The following TYW2 variants were observed in gnomAD, a reference collection of about 807,000 sequenced individuals.
The protein encoded by TYW2 is tRNA wybutosine-synthesizing protein 2 homolog.
the TYW2 span, chr8:124,451,864 A>G: frequency 6.2e-7 from 1 of 1,614,212 alleles, no homozygotes; most frequent in South Asian, 1.1e-5. Flanking sequence ...GCTGATTCCC[A>G]GCTCTGAAGA....
At chr8:124,451,946 A>G in the TYW2 span, 2 of 1,614,218 alleles carry the variant, frequency 1.2e-6, no homozygotes, top group South Asian at 2.2e-5. Context: ...CAAAATGTGG[A>G]ATCTTTCCCA....
chr8:124,451,230 T>C, the TYW2 span: 17 of 1,614,132 alleles, frequency 1.1e-5, no homozygotes, highest in Non-Finnish European at 1.3e-5. Flanking sequence ...CCCAGGGTTG[T>C]TCACCTGCCC....
chr8:124,451,318 C>T, the TYW2 span: 8 of 1,614,026 alleles, frequency 5.0e-6, no homozygotes, highest in Non-Finnish European at 6.8e-6. Flanking sequence ...GGCTGATTTG[C>T]CCCGATCATG....
chr8:124,452,136 C>T, the TYW2 span: 24 of 1,614,112 alleles, frequency 1.5e-5, no homozygotes, highest in Non-Finnish European at 1.9e-5. Flanking sequence ...AAACTCGAAT[C>T]GCCACTCTTC....
At chr8:124,451,141 C>G in the TYW2 span, 1 of 1,614,170 alleles carries the variant, frequency 6.2e-7, no homozygotes, top group Non-Finnish European at 8.5e-7. Context: ...GCAGCACCTG[C>G]AGGAGCTGAG....
At chr8:124,451,034 A>G in the TYW2 span, 1 of 1,614,190 alleles carries the variant, frequency 6.2e-7, no homozygotes, top group Non-Finnish European at 8.5e-7. Flanking sequence ...TACAGAGAAT[A>G]TCTCCAGAGG....
At chr8:124,451,170 C>A in the TYW2 span, 1 of 1,614,166 alleles carries the variant, frequency 6.2e-7, no homozygotes, top group Non-Finnish European at 8.5e-7. Context: ...TTGCCCCAGG[C>A]AGTCCCTGTA....
At chr8:124,451,184 T>C in the TYW2 span, 2 of 1,614,090 alleles carry the variant, frequency 1.2e-6, no homozygotes, top group South Asian at 1.1e-5. Flanking sequence ...CCCTGTATGC[T>C]CACGCAGCTC....
the TYW2 span, chr8:124,452,902 ATGAC>A: frequency 1.8e-5 from 3 of 167,122 alleles, no homozygotes; most frequent in Non-Finnish European, 4.4e-5. Context: ...CTTTGTTATT[ATGAC>A]TGACTAAATT....
the TYW2 span, chr8:124,451,509 T>G: frequency 1.2e-6 from 2 of 1,614,168 alleles, no homozygotes; most frequent in South Asian, 2.2e-5. Context: ...TGCTGCTGGG[T>G]GACCATGGCT....
chr8:124,451,105 C>T, the TYW2 span: 2 of 1,614,140 alleles, frequency 1.2e-6, no homozygotes, highest in African/African-American at 1.3e-5. Flanking sequence ...GGTGGCGCTA[C>T]CGGTGCTGGG....
the TYW2 span, chr8:124,450,848 C>T: frequency 1.3e-6 from 2 of 1,505,580 alleles, no homozygotes; most frequent in East Asian, 4.5e-5. Context: ...GCCGGGTGAG[C>T]TGCAGGCTAC....
At chr8:124,451,618 T>C in the TYW2 span, 1 of 1,614,204 alleles carries the variant, frequency 6.2e-7, no homozygotes, top group South Asian at 1.1e-5. Flanking sequence ...AGTGGCATCG[T>C]TGTCCTGTGC....
the TYW2 span, chr8:124,451,600 A>T: frequency 1.2e-6 from 2 of 1,614,170 alleles, no homozygotes; most frequent in Non-Finnish European, 1.7e-6. Flanking sequence ...CATCACTGAG[A>T]AGCTTCGAGT....
the TYW2 span, chr8:124,451,655 C>T: frequency 6.2e-7 from 1 of 1,614,086 alleles, no homozygotes; most frequent in African/African-American, 1.3e-5. Flanking sequence ...GATCTCTATG[C>T]AGGGATTGGT....
At chr8:124,452,445 A>G in the TYW2 span, 1 of 643,718 alleles carries the variant, frequency 1.6e-6, no homozygotes, top group South Asian at 2.6e-5. Context: ...TCTTTCATTG[A>G]TAACAGAAAA....
the TYW2 span, chr8:124,451,445 T>C: frequency 6.2e-7 from 1 of 1,614,174 alleles, no homozygotes; most frequent in Non-Finnish European, 8.5e-7. Context: ...GTCCAGCGTT[T>C]GGCAAAACGA....
chr8:124,452,242 C>T, the TYW2 span: 4 of 1,614,092 alleles, frequency 2.5e-6, no homozygotes, highest in Non-Finnish European at 3.4e-6. Flanking sequence ...AGTCCTGGAT[C>T]TGGAATGCTG....
At chr8:124,451,043 G>A in the TYW2 span, 1 of 1,614,212 alleles carries the variant, frequency 6.2e-7, no homozygotes, top group South Asian at 1.1e-5. Context: ...TATCTCCAGA[G>A]GCAGAAACTC....
Sources: allele counts gnomAD v4.1 joint callset, GRCh38; gene constraint gnomAD v4.1.1; transcripts MANE v1.5; gene names NCBI Gene and HGNC (gene_info 2026-07-23, HGNC 2026-07-21).